Variants in DCDC2 observed in about 807,000 individuals in gnomAD.
The protein encoded by DCDC2 is doublecortin domain containing 2, also known as doublecortin domain-containing protein 2.
DCDC2 carries 40 observed loss-of-function variants against 50.2 expected under a neutral mutation model. The ratio of observed to expected loss-of-function variants is 0.80; its 90% confidence interval spans 0.62 to 1.04. The LOEUF is 1.04. DCDC2 is among the 50% of genes least tolerant of loss of function. The probability of loss-of-function intolerance (pLI) is 0.00; values close to 1 mark genes in which losing one functional copy is unlikely to be tolerated. For missense variants in DCDC2, 570 were observed against 581.9 expected, an observed-to-expected ratio of 0.98 and a Z score of 0.21; for synonymous variants, 234 against 210.6, an observed-to-expected ratio of 1.11 and a Z score of -0.96.
intron 8 of DCDC2, among the ~76,000 whole-genome samples, chr6:24,187,199 A>G (rs1482752405): frequency 6.6e-6 from 1 of 152,132 alleles, no homozygotes; most frequent in Non-Finnish European, 1.5e-5. Context: ...GGGTTCCTCA[A>G]CAATGGAAAG....
chr6:24,189,986 T>C (rs1267771975), intron 8 of DCDC2, among the ~76,000 whole-genome samples: 3 of 151,652 alleles, frequency 2.0e-5, no homozygotes, highest in African/African-American at 7.3e-5. Context: ...CCAAGTTGAA[T>C]GAGGTGTTTT....
At chr6:24,374,414 A>G in the DCDC2 span, among the ~76,000 whole-genome samples, 2 of 151,266 alleles carry the variant, frequency 1.3e-5, no homozygotes, top group Admixed American at 1.3e-4. Context: ...TCTACTAAAA[A>G]CAAAAATACA....
chr6:24,235,243 G>A (rs922187951), intron 7 of DCDC2, among the ~76,000 whole-genome samples: 3 of 152,222 alleles, frequency 2.0e-5, no homozygotes, highest in African/African-American at 7.2e-5. Flanking sequence ...AGTCATCACA[G>A]TGAATGGGGG....
rs183147652 is a variant in DCDC2, at chr6:24,195,639, G to A, written c.1023+9363C>T. Among the ~76,000 whole-genome samples, 258 of 152,212 alleles carry A rather than the reference G, an allele frequency of 1.7e-3. 1 individual carries two copies. The highest frequency in any genetic ancestry group is 5.8e-3 in the African/African-American group (239 of 41,528). The stretch of plus-strand genomic sequence containing the variant: ...TGTCATGTGCATTACAAGATAATTA[G>A]GAGCAGCCCTGGCCACCACCTTCTA... On this transcript the variant is annotated intron_variant, in intron 8 of 9. Transcript: ENST00000378454.
chr6:24,376,737 C>CA, the DCDC2 span, among the ~76,000 whole-genome samples: 6,593 of 46,520 alleles, frequency 0.14, 847 homozygotes, highest in East Asian at 0.37. Context: ...CAGGTATATG[C>CA]AAAAAAAAAA....
intron 2 of DCDC2, among the ~76,000 whole-genome samples, chr6:24,312,745 C>T (rs1759595551): frequency 6.6e-6 from 1 of 152,126 alleles, no homozygotes; most frequent in African/African-American, 2.4e-5. Flanking sequence ...ACCATAGCAT[C>T]GGTTTGCATA....
chr6:24,180,788 C>T (rs546598307), intron 8 of DCDC2, among the ~76,000 whole-genome samples: 1 of 152,064 alleles, frequency 6.6e-6, no homozygotes, highest in Non-Finnish European at 1.5e-5. Context: ...ACTGACCAAA[C>T]TTTTTGTCAT....
chr6:24,290,395 T>C (rs1763720071), intron 5 of DCDC2, among the ~76,000 whole-genome samples: 1 of 152,292 alleles, frequency 6.6e-6, no homozygotes, highest in East Asian at 1.9e-4. Flanking sequence ...TTACGGTATA[T>C]TGTAATTAAA....
At chr6:24,367,473 T>C in the DCDC2 span, among the ~76,000 whole-genome samples, 9 of 152,226 alleles carry the variant, frequency 5.9e-5, no homozygotes, top group Non-Finnish European at 1.2e-4. Context: ...GATATGCTTA[T>C]TTTCCCATTT....
intron 8 of DCDC2, among the ~76,000 whole-genome samples, chr6:24,195,551 AC>A (rs2113754152): frequency 6.6e-6 from 1 of 152,276 alleles, no homozygotes; most frequent in Non-Finnish European, 1.5e-5. Flanking sequence ...TTGTCCCAGA[AC>A]AGAGTTTCCC....
chr6:24,361,134 T>C (rs1473033886), upstream of DCDC2, among the ~76,000 whole-genome samples: 2 of 152,158 alleles, frequency 1.3e-5, no homozygotes, highest in African/African-American at 2.4e-5. Context: ...ATGTAATACA[T>C]TAATGCTTTG....
chr6:24,178,034 T>C (rs1056420832), intron 9 of DCDC2, among the ~76,000 whole-genome samples: 3 of 152,236 alleles, frequency 2.0e-5, no homozygotes, highest in African/African-American at 7.2e-5. Flanking sequence ...TGTATGTTCT[T>C]AGAAGGCTCT....
chr6:24,187,436 G>T (rs192314622), intron 8 of DCDC2, among the ~76,000 whole-genome samples: 1 of 151,868 alleles, frequency 6.6e-6, no homozygotes, highest in Non-Finnish European at 1.5e-5. Flanking sequence ...TCAGGTGGCC[G>T]TCACTCCTCA....
chr6:24,354,844 T>G (rs1044646053), intron 1 of DCDC2, among the ~76,000 whole-genome samples: 3 of 152,302 alleles, frequency 2.0e-5, no homozygotes, highest in African/African-American at 4.8e-5. Flanking sequence ...AGCTACCTGA[T>G]GTTTAGTTAT....
At chr6:24,212,090 C>G (rs1251692779) in intron 7 of DCDC2, among the ~76,000 whole-genome samples, 1 of 152,144 alleles carries the variant, frequency 6.6e-6, no homozygotes, top group Non-Finnish European at 1.5e-5. Flanking sequence ...CATAGGAGCA[C>G]AAACCGTATT....
At chr6:24,215,503 C>G (rs904099036) in intron 7 of DCDC2, among the ~76,000 whole-genome samples, 1 of 151,996 alleles carries the variant, frequency 6.6e-6, no homozygotes, top group Admixed American at 6.6e-5. Flanking sequence ...AGGGGGAGAT[C>G]ATGGAAAGTG....
chr6:24,182,351 T>C (rs1401042720), intron 8 of DCDC2, among the ~76,000 whole-genome samples: 1 of 151,872 alleles, frequency 6.6e-6, no homozygotes, highest in Non-Finnish European at 1.5e-5. Flanking sequence ...CAAAAGACAA[T>C]ACCAACAGAG....
At chr6:24,261,204 CTT>C (rs10694761) in intron 7 of DCDC2, among the ~76,000 whole-genome samples, 9 of 135,714 alleles carry the variant, frequency 6.6e-5, no homozygotes, top group Non-Finnish European at 9.3e-5. Context: ...CATTTTCTTG[CTT>C]TTTTTTTTTT....
rs1760477437 is a variant in DCDC2 at position 24,356,829 on chromosome 6, C to T, written c.293+629G>A. The stretch of plus-strand genomic sequence containing the variant: ...GCTCAAGAGCTGGGAATAAGGACCC[C>T]TGCCCTTGAAGGTCTAATCACGTTG... On this transcript the variant is annotated intron_variant, in intron 1 of 9. Transcript: ENST00000378454. 2 of 152,224 alleles carry T rather than the reference C, an allele frequency of 1.3e-5. 1 individual carries two copies. The highest frequency in any genetic ancestry group is 1.3e-4 in the Admixed American group (2 of 15,280). 9.4% of individuals were successfully genotyped at this position (152,224 alleles called of 1,614,324 possible).
Sources: allele counts gnomAD v4.1 joint callset (sites outside exome capture counted in the v4.1 genomes callset), GRCh38; gene constraint gnomAD v4.1.1; transcripts MANE v1.5; gene names NCBI Gene and HGNC (gene_info 2026-07-23, HGNC 2026-07-21).